The following RERE variants were observed in gnomAD, a reference collection of about 807,000 sequenced individuals.
RERE encodes arginine-glutamic acid dipeptide repeats protein.
RERE carries 40 observed loss-of-function variants against 146.1 expected under a neutral mutation model. The ratio of observed to expected loss-of-function variants is 0.27; its 90% CI spans 0.21 to 0.36. The LOEUF (loss-of-function observed/expected upper bound fraction) is 0.36, where lower values mean the gene tolerates loss of function less well. Among genes scored for constraint, RERE ranks in the 10% least tolerant of loss-of-function variants. The probability of loss-of-function intolerance (pLI) is 1.00; values close to 1 mark genes in which losing one functional copy is unlikely to be tolerated. For synonymous variants in RERE, 1,003 were observed against 866.0 expected (o/e 1.16, Z -2.78); for missense variants, 1,933 against 2,138.7 (o/e 0.90, Z 1.90).
intron 1 of RERE, among the ~76,000 whole-genome samples, chr1:8,725,691 A>G (rs1323234947): frequency 6.6e-6 from 1 of 152,182 alleles, no homozygotes; most frequent in East Asian, 1.9e-4. Context: ...AAGCTCTACA[A>G]ACTAGAGCTT....
intron 1 of RERE, among the ~76,000 whole-genome samples, chr1:8,737,259 A>G (rs1450205981): frequency 6.6e-6 from 1 of 152,264 alleles, no homozygotes; most frequent in Non-Finnish European, 1.5e-5. Flanking sequence ...GAAGCTTTAG[A>G]AAAGACTAGA....
chr1:8,625,548 C>T (rs1400371053), intron 2 of RERE, among the ~76,000 whole-genome samples: 5 of 152,158 alleles, frequency 3.3e-5, no homozygotes, highest in Non-Finnish European at 7.3e-5. Context: ...TGAAGCTATC[C>T]CCCTGCCTCG....
At chr1:8,420,159 A>G (rs1330197622) in intron 12 of RERE, among the ~76,000 whole-genome samples, 1 of 152,194 alleles carries the variant, frequency 6.6e-6, no homozygotes, top group Non-Finnish European at 1.5e-5. Context: ...TGAGTTAATA[A>G]TTCTGGTAGA....
Position 8,364,783 on chromosome 1 carries a change from C to T in RERE, c.1503G>A (p.Glu501=). Reference sequence around the variant, plus strand: ...AGTGGCGGCAGGCGTACCCCTTCAGCTCCTGCTCACTGTCCTCACTGTCGA... The same window carrying T: ...AGTGGCGGCAGGCGTACCCCTTCAGTTCCTGCTCACTGTCCTCACTGTCGA... ...DDFDSEDSEQ[E]LKGYACRHCF... The change falls in exon 14 of 23, where the codon GAG becomes GAA. Residue 501 remains glutamate, a synonymous_variant. Coordinates refer to ENST00000400908, the MANE Select transcript of RERE (RefSeq NM_001042681.2). The surrounding 1 kb of genome is among the most constrained non-coding windows in gnomAD (Gnocchi z 5.1). The T allele has an allele frequency of 6.2e-7, 1 of 1,614,062 alleles. No homozygotes were observed. Among genetic ancestry groups the T allele is most frequent in the Non-Finnish European group, 8.5e-7 (1 of 1,180,002 alleles).
chr1:8,670,247 A>G (rs1638682356), intron 1 of RERE, among the ~76,000 whole-genome samples: 1 of 152,236 alleles, frequency 6.6e-6, no homozygotes, highest in Non-Finnish European at 1.5e-5. Flanking sequence ...GTAACTAACC[A>G]GGGAGGGCAG....
chr1:8,710,349 C>G (rs529544107), intron 1 of RERE, among the ~76,000 whole-genome samples: 1 of 152,252 alleles, frequency 6.6e-6, no homozygotes, highest in South Asian at 2.1e-4. Context: ...CTAGAAATAA[C>G]ATCAGATTAT....
intron 9 of RERE, among the ~76,000 whole-genome samples, chr1:8,497,105 T>C (rs979911430): frequency 1.1e-4 from 16 of 152,072 alleles, no homozygotes; most frequent in African/African-American, 3.6e-4. Flanking sequence ...CTCAACTGGA[T>C]TGAGAGGTTT....
At chr1:8,774,310 T>C (rs1158363293) in intron 1 of RERE, among the ~76,000 whole-genome samples, 8 of 151,692 alleles carry the variant, frequency 5.3e-5, no homozygotes, top group Admixed American at 2.6e-4. Flanking sequence ...TCACTGCTTG[T>C]AGGAATTTAA....
rs1219536428 is a variant in RERE at position 8,407,380 on chromosome 1, C to A, written c.1284+15347G>T. 2.6e-5 allele frequency among the ~76,000 whole-genome samples: 4 copies of A among 152,198 alleles called. No individual in the cohort carries two copies. The East Asian group carries it at 7.7e-4, about 29-fold the overall frequency. On this transcript the variant is annotated intron_variant, in intron 12 of 22. Transcript: ENST00000400908. Reference sequence around the variant, plus strand: ...CCTTATGAGACAGTTCGCATCTCAACAGCTCTAGGATACAAAGGAAGCACA... The same window carrying A: ...CCTTATGAGACAGTTCGCATCTCAAAAGCTCTAGGATACAAAGGAAGCACA...
chr1:8,658,251 A>G (rs1297655234), intron 1 of RERE, among the ~76,000 whole-genome samples: 1 of 152,246 alleles, frequency 6.6e-6, no homozygotes, highest in Non-Finnish European at 1.5e-5. Flanking sequence ...TGTTAGAACT[A>G]AAACCACAAT....
intron 12 of RERE, among the ~76,000 whole-genome samples, chr1:8,375,273 C>A (rs182177053): frequency 6.6e-6 from 1 of 152,228 alleles, no homozygotes; most frequent in East Asian, 1.9e-4. Flanking sequence ...TCTTATTTTG[C>A]CATGTAAGGT....
rs530241559 is a variant in RERE, at chr1:8,356,911, T to C, written c.4340-665A>G. ...ATGCTGCCCTGGGGTCCCTGGAAGATTGGGAGCCCCCGCTCTGCCTCTGTG... is the reference window on the plus strand; with the variant it reads ...ATGCTGCCCTGGGGTCCCTGGAAGACTGGGAGCCCCCGCTCTGCCTCTGTG... On this transcript the variant is annotated intron_variant, in intron 20 of 22. Coordinates refer to ENST00000400908, the MANE Select transcript of RERE (RefSeq NM_001042681.2). This position sits in a 1 kb window ranked among gnomAD's most constrained non-coding sequence, Gnocchi z 5.2. Among the ~76,000 whole-genome samples, 85 of 152,286 alleles carry C rather than the reference T, an allele frequency of 5.6e-4. No homozygotes were observed. Among genetic ancestry groups the C allele is most frequent in the Middle Eastern group, 3.4e-3 (1 of 294 alleles).
At chr1:8,779,235 A>G (rs1641122290) in intron 1 of RERE, among the ~76,000 whole-genome samples, 2 of 151,868 alleles carry the variant, frequency 1.3e-5, no homozygotes. Flanking sequence ...ATCTGCTAGA[A>G]TATAAGTTCC....
At chr1:8,564,883 T>TAA in intron 4 of RERE, among the ~76,000 whole-genome samples, 1 of 150,218 alleles carries the variant, frequency 6.7e-6, no homozygotes, top group African/African-American at 2.5e-5. Flanking sequence ...TATATATATA[T>TAA]AAAACTACTA....
chr1:8,785,330 G>A (rs1425016114), intron 1 of RERE, among the ~76,000 whole-genome samples: 5 of 152,118 alleles, frequency 3.3e-5, no homozygotes, highest in Admixed American at 2.0e-4. Context: ...CTACTAAACA[G>A]GTCTAGGCTA....
At chr1:8,575,647 G>A (rs999193556) in intron 4 of RERE, among the ~76,000 whole-genome samples, 9 of 147,820 alleles carry the variant, frequency 6.1e-5, no homozygotes, top group Non-Finnish European at 1.2e-4. Context: ...CCCCAACCTC[G>A]GCCTCCAAAA....
chr1:8,423,728 C>CGGCGCGGGGCCCGGGG lies in RERE; in HGVS notation c.1204-937_1204-922dup, dbSNP rs912895385. The CGGCGCGGGGCCCGGGG allele has an allele frequency of 6.6e-5, 65 of 978,534 alleles. No individual in the cohort carries two copies. The African/African-American group carries it at 9.5e-4, about 14-fold the overall frequency. 60.6% of individuals were successfully genotyped at this position (978,534 alleles called of 1,614,324 possible). ...GGCGTGTGACCGCGGCGGGGCCGCG[C>CGGCGCGGGGCCCGGGG]GGCGCGGGGCCCGGGGGGCGCGGGG... On this transcript the variant is annotated intron_variant, in intron 11 of 22. Transcript: ENST00000400908. The surrounding 1 kb of genome is among the most constrained non-coding windows in gnomAD (Gnocchi z 5.4).
intron 10 of RERE, among the ~76,000 whole-genome samples, chr1:8,477,567 C>G (rs757410924): frequency 4.1e-4 from 63 of 152,314 alleles, no homozygotes; most frequent in Non-Finnish European, 7.4e-4. Flanking sequence ...AACCACAGGT[C>G]TAAGCATCTC....
chr1:8,543,896 T>C (rs977581172), intron 6 of RERE, among the ~76,000 whole-genome samples: 3 of 152,242 alleles, frequency 2.0e-5, no homozygotes, highest in Non-Finnish European at 4.4e-5. Flanking sequence ...TTTCTCTATT[T>C]GATTCTGTTT....
Sources: allele counts gnomAD v4.1 joint callset (sites outside exome capture counted in the v4.1 genomes callset), GRCh38; gene constraint gnomAD v4.1.1; non-coding constraint Gnocchi (gnomAD v3.1); transcripts MANE v1.5; gene names NCBI Gene and HGNC (gene_info 2026-07-23, HGNC 2026-07-21).